STAB2: variants seen among roughly 807,000 people sequenced by gnomAD.
STAB2 encodes the protein stabilin 2.
In STAB2, 288 loss-of-function variants were observed where a neutral mutation model predicts 338.1. The ratio of observed to expected loss-of-function variants is 0.85; its 90% CI spans 0.77 to 0.94. The LOEUF (loss-of-function observed/expected upper bound fraction) is 0.94, where lower values mean the gene tolerates loss of function less well. STAB2 is among the 40% of genes least tolerant of loss of function. The pLI is 0.00. For missense variants in STAB2, 3,141 were observed against 3,210.1 expected, an observed-to-expected ratio of 0.98 and a Z score of 0.52; for synonymous variants, 1,202 against 1,193.3, an observed-to-expected ratio of 1.01 and a Z score of -0.15.
intron 3 of STAB2, among the ~76,000 whole-genome samples, chr12:103,607,313 C>T (rs1053857270): frequency 6.6e-6 from 1 of 152,066 alleles, no homozygotes; most frequent in African/African-American, 2.4e-5. Context: ...TGTCCCACAA[C>T]TCACTGATGG....
At chr12:103,730,368 A>C in intron 49 of STAB2, 112 bp downstream of exon 49, 37 of 1,235,972 alleles carry the variant, frequency 3.0e-5, no homozygotes, top group Middle Eastern at 2.1e-4. Context: ...CTTCAATCTC[A>C]AGCTATTATT....
chr12:103,609,584 T>C (rs972652088), intron 3 of STAB2, among the ~76,000 whole-genome samples: 2 of 152,290 alleles, frequency 1.3e-5, no homozygotes, highest in East Asian at 3.9e-4. Context: ...AAGGAGATTT[T>C]GGGCTGAGAT....
chr12:103,731,172 G>A lies in STAB2; in HGVS notation c.5224-404G>A, dbSNP rs142491338. On this transcript the variant is annotated intron_variant, in intron 49 of 68. Coordinates refer to ENST00000388887, the MANE Select transcript of STAB2 (RefSeq NM_017564.10). The stretch of plus-strand genomic sequence containing the variant: ...GCTGTCCTGGCTGTCACAGCTCTGT[G>A]ACTGCCACCTGTCTCCAGCCTCACC... Among the ~76,000 whole-genome samples, 279 of 152,310 alleles carry A rather than the reference G, an allele frequency of 1.8e-3. 1 individual carries two copies. Among genetic ancestry groups the A allele is most frequent in the African/African-American group, 6.3e-3 (260 of 41,576 alleles).
In STAB2 at chr12:103,757,466, C is replaced by T. The variant is rs897562562; in HGVS notation, c.6988-704C>T. Reference sequence around the variant, plus strand: ...GCAAGCAAACAATAAATGGAACAAACACGTCAATAGTATTGAGTGCTAGAA... The same window carrying T: ...GCAAGCAAACAATAAATGGAACAAATACGTCAATAGTATTGAGTGCTAGAA... On this transcript the variant is annotated intron_variant, in intron 63 of 68. Coordinates refer to ENST00000388887, the MANE Select transcript of STAB2 (RefSeq NM_017564.10). 5.9e-5 allele frequency among the ~76,000 whole-genome samples: 9 copies of T among 152,328 alleles called. 1 individual carries two copies. Among genetic ancestry groups the T allele is most frequent in the East Asian group, 1.9e-4 (1 of 5,186 alleles).
At position 103,696,377 on chromosome 12, in the gene STAB2, A is replaced by C. The variant is rs540995622; in HGVS notation, c.3582+533A>C. Among the ~76,000 whole-genome samples the C allele has an allele frequency of 7.2e-5, 11 of 152,316 alleles. No homozygotes were observed. The South Asian group carries it at 2.3e-3, about 32-fold the overall frequency. ...AGTGAAAACAGTGTGCTTGCCGTGC[A>C]AATCCAGCTTCAAATGTGTCTTCTC... On this transcript the variant is annotated intron_variant, in intron 33 of 68. Transcript: ENST00000388887.
chr12:103,676,937 T>C (rs1456921038), intron 24 of STAB2, among the ~76,000 whole-genome samples: 1 of 152,130 alleles, frequency 6.6e-6, no homozygotes, highest in Non-Finnish European at 1.5e-5. Context: ...TCCCTTTGAG[T>C]GAGCCCCATC....
At chr12:103,691,717 T>C (rs1311992636) in intron 30 of STAB2, among the ~76,000 whole-genome samples, 1 of 152,212 alleles carries the variant, frequency 6.6e-6, no homozygotes, top group Non-Finnish European at 1.5e-5. Context: ...AAGACACATT[T>C]GTAATGAGTT....
At chr12:103,607,013 C>CA (rs1957039359) in intron 3 of STAB2, among the ~76,000 whole-genome samples, 3 of 151,450 alleles carry the variant, frequency 2.0e-5, no homozygotes, top group Admixed American at 6.6e-5. Context: ...AAAACAAAAA[C>CA]GAAAAAAAAG....
At position 103,703,186 on chromosome 12, in the gene STAB2, A is replaced by G; in HGVS notation, c.3753A>G (p.Val1251=). 1 of 1,614,070 alleles carries G rather than the reference A, an allele frequency of 6.2e-7. No individual in the cohort carries two copies. Among genetic ancestry groups the G allele is most frequent in the Non-Finnish European group, 8.5e-7 (1 of 1,180,034 alleles). Residue 1251 remains valine (V), a synonymous_variant, in exon 35 of 69, where the codon GTA becomes GTG. Transcript: ENST00000388887. The stretch of plus-strand genomic sequence containing the variant: ...AGGCTCCAATAAACTACACCAATGT[A>G]GCCACTGATAAGGGAGTGATCCATG... The part of the protein sequence containing the change: ...VNEAPINYTN[V]ATDKGVIHGL...
chr12:103,727,332 C>G lies in STAB2; in HGVS notation c.4917C>G (p.Ala1639=), dbSNP rs768830001. The G allele has an allele frequency of 2.5e-6, 4 of 1,614,220 alleles. No homozygotes were observed. The highest frequency in any genetic ancestry group is 3.4e-6 in the Non-Finnish European group (4 of 1,180,024). Residue 1639 remains alanine, a synonymous_variant, in exon 47 of 69, where the codon GCC becomes GCG. Coordinates refer to ENST00000388887, the MANE Select transcript of STAB2 (RefSeq NM_017564.10). ...CTGTTTTTGCACCTTTATCTGCAGC[C>G]TTTGATGAGGAAGCTCGGGTGAGCA... ...PFTVFAPLSA[A]FDEEARVKDW... is the part of the protein sequence containing the mutation.
At chr12:103,628,741 T>A (rs973886970) in intron 5 of STAB2, among the ~76,000 whole-genome samples, 1 of 151,484 alleles carries the variant, frequency 6.6e-6, no homozygotes, top group African/African-American at 2.5e-5. Flanking sequence ...CTCACCTTAC[T>A]CCAGTATGAC....
intron 18 of STAB2, among the ~76,000 whole-genome samples, chr12:103,665,249 C>T (rs1874974250): frequency 6.6e-6 from 1 of 152,204 alleles, no homozygotes; most frequent in Non-Finnish European, 1.5e-5. Flanking sequence ...AGCTGGTACC[C>T]TCTGGAAGTC....
intron 27 of STAB2, among the ~76,000 whole-genome samples, chr12:103,686,530 G>T (rs1877449049): frequency 6.6e-6 from 1 of 152,074 alleles, no homozygotes; most frequent in Non-Finnish European, 1.5e-5. Flanking sequence ...CTTGAGACAA[G>T]ATCTCACTCT....
intron 63 of STAB2, among the ~76,000 whole-genome samples, chr12:103,756,989 G>C (rs1234334397): frequency 2.9e-5 from 1 of 34,616 alleles, no homozygotes; most frequent in East Asian, 1.2e-3. Context: ...AGCCCAGAAG[G>C]AGGGAAAATA....
intron 22 of STAB2, 113 bp downstream of exon 22, chr12:103,670,920 C>A: frequency 2.5e-6 from 2 of 789,226 alleles, no homozygotes; most frequent in Admixed American, 2.2e-5. Context: ...TGGGTTACAC[C>A]ATCATCACAG....
At position 103,660,542 on chromosome 12, in the gene STAB2, A is replaced by G. The variant is rs1324252950; in HGVS notation, c.1789-141A>G. 1.3e-5 allele frequency: 17 copies of G among 1,278,422 alleles called. No individual in the cohort carries two copies. The Middle Eastern group carries it at 5.6e-4, about 42-fold the overall frequency. 79.2% of individuals were successfully genotyped at this position (1,278,422 alleles called of 1,614,324 possible). A position where few individuals can be genotyped will look rare whatever the true frequency, so the allele number is the denominator to read the frequency against. On this transcript the variant is annotated intron_variant, in intron 16 of 68. Coordinates refer to ENST00000388887, the MANE Select transcript of STAB2 (RefSeq NM_017564.10). ...TGAGTCCATTATCAGAGCGATCTTC[A>G]AAGCCACAAAAACTCTTGAGATCAA... is the stretch of plus-strand genomic sequence containing the variant.
At chr12:103,758,089 G>A in intron 63 of STAB2, 81 bp from the exon 64 acceptor site, 1 of 1,587,296 alleles carries the variant, frequency 6.3e-7, no homozygotes, top group Non-Finnish European at 8.6e-7. Flanking sequence ...ACAGATGGGT[G>A]ATGCCCTGGG....
chr12:103,765,288 G>A (rs1262192445), intron 68 of STAB2, among the ~76,000 whole-genome samples: 1 of 152,094 alleles, frequency 6.6e-6, no homozygotes, highest in Non-Finnish European at 1.5e-5. Flanking sequence ...AGATTTACCT[G>A]AGGCAGGTGA....
chr12:103,764,980 C>T (rs977136865), intron 68 of STAB2, among the ~76,000 whole-genome samples: 13 of 148,442 alleles, frequency 8.8e-5, no homozygotes, highest in East Asian at 2.0e-4. Flanking sequence ...CCCAGCTACA[C>T]GGGAGGCTGA....
Sources: gnomAD v4.1 joint callset for allele counts (sites outside exome capture counted in the v4.1 genomes callset) on GRCh38, gnomAD v4.1.1 for gene constraint, MANE v1.5 for transcripts, NCBI Gene and HGNC (gene_info 2026-07-23, HGNC 2026-07-21) for gene names.